The following STAM2 variants were observed in gnomAD, a reference collection of about 807,000 sequenced individuals.
STAM2 encodes the protein signal transducing adapter molecule 2.
A neutral mutation model predicts 65.6 loss-of-function variants in STAM2; 51 were observed. That is an observed-to-expected ratio of 0.78 (90% CI 0.62 to 0.98). STAM2 has a LOEUF of 0.98. STAM2 is among the 50% of genes least tolerant of loss of function. The pLI is 0.00. For missense variants in STAM2, 584 were observed against 617.8 expected, an observed-to-expected ratio of 0.95 and a Z score of 0.58; for synonymous variants, 198 against 208.4, an observed-to-expected ratio of 0.95 and a Z score of 0.43.
At chr2:152,167,921 A>AAAAAT (rs970998673) in intron 1 of STAM2, among the ~76,000 whole-genome samples, 32 of 152,122 alleles carry the variant, frequency 2.1e-4, no homozygotes, top group African/African-American at 7.5e-4. Flanking sequence ...AAAAAGAAGA[A>AAAAAT]AAAATAAAAT....
At chr2:152,164,436 G>A (rs182544622) in intron 1 of STAM2, among the ~76,000 whole-genome samples, 1 of 151,050 alleles carries the variant, frequency 6.6e-6, no homozygotes, top group Admixed American at 6.6e-5. Context: ...TCTGCCTCCC[G>A]AGTTCAAACG....
In STAM2 at chr2:152,120,650, G is replaced by A; in HGVS notation, c.1502C>T (p.Ala501Val). The change falls in exon 14 of 14, where the codon GCA becomes GTA. Residue 501 changes from alanine (A) to valine (V), a missense_variant. By Grantham distance (64) the Ala-to-Val change is moderately conservative. Coordinates refer to ENST00000263904, the MANE Select transcript of STAM2 (RefSeq NM_005843.6). ...QNTTSNLPQL[A>V]GFPVTVPAHP... is the part of the protein sequence containing the mutation. The stretch of plus-strand genomic sequence containing the variant: ...AGCTGGAACTGTCACCGGAAAGCCT[G>A]CCAGTTGAGGCAAATTGGAAGTAGT... 1 of 1,614,130 alleles carries A rather than the reference G, an allele frequency of 6.2e-7. No homozygotes were observed. Among genetic ancestry groups the A allele is most frequent in the Non-Finnish European group, 8.5e-7 (1 of 1,180,034 alleles).
chr2:152,118,569 A>G lies in STAM2; in HGVS notation c.*2005T>C, dbSNP rs1286566514. 3 of 151,594 alleles carry G rather than the reference A, an allele frequency of 2.0e-5. No homozygotes were observed. Among genetic ancestry groups the G allele is most frequent in the African/African-American group, 7.3e-5 (3 of 41,368 alleles). The allele number at this position is 151,594 out of a possible 1,614,324, so 9.4% of individuals were successfully genotyped here. ...CAAAGACATGCTGAATTAAACTTTT[A>G]TAATTGAGATCACAATTATACATGA... On this transcript the variant is annotated 3_prime_UTR_variant, in exon 14 of 14. Coordinates refer to ENST00000263904, the MANE Select transcript of STAM2 (RefSeq NM_005843.6).
At chr2:152,122,076 A>ATATGTG (rs1161311169) in intron 13 of STAM2, among the ~76,000 whole-genome samples, 5 of 103,706 alleles carry the variant, frequency 4.8e-5, no homozygotes, top group African/African-American at 1.3e-4. Flanking sequence ...ATATATATAT[A>ATATGTG]TGTGTGTGTG....
chr2:152,126,268 A>C lies in STAM2; in HGVS notation c.1137T>G (p.Pro379=). 1 of 1,611,280 alleles carries C rather than the reference A, an allele frequency of 6.2e-7. No homozygotes were observed. Among genetic ancestry groups the C allele is most frequent in the Non-Finnish European group, 8.5e-7 (1 of 1,178,660 alleles). ...ATGATGCAGGTGGGTAATGTGCTGGAGGGTGGAGCTTTGAATAGACTGAGT... is the reference window on the plus strand; with the variant it reads ...ATGATGCAGGTGGGTAATGTGCTGGCGGGTGGAGCTTTGAATAGACTGAGT... ...PVYSVYSKLH[P]PAHYPPASSG... is the part of the protein sequence containing the mutation. The change falls in exon 12 of 14, where the codon CCT becomes CCG. Residue 379 remains proline, a synonymous_variant. Coordinates refer to ENST00000263904, the MANE Select transcript of STAM2 (RefSeq NM_005843.6).
chr2:152,159,326 G>A (rs1327538971), intron 1 of STAM2, among the ~76,000 whole-genome samples: 1 of 149,872 alleles, frequency 6.7e-6, no homozygotes, highest in Non-Finnish European at 1.5e-5. Flanking sequence ...AACAAAAAAA[G>A]AAAAGAAAAA....
chr2:152,128,302 G>T (rs1411206221), intron 11 of STAM2, among the ~76,000 whole-genome samples: 1 of 152,008 alleles, frequency 6.6e-6, no homozygotes, highest in African/African-American at 2.4e-5. Context: ...AGCTACACGG[G>T]AGGCTGAGGC....
chr2:152,124,754 T>C (rs1191470018), intron 12 of STAM2: 1 of 152,216 alleles, frequency 6.6e-6, no homozygotes, highest in Non-Finnish European at 1.5e-5. Flanking sequence ...TAAGCTATAT[T>C]AAGTACAATC....
chr2:152,119,192 C>A lies in STAM2; in HGVS notation c.*1382G>T, dbSNP rs1579306422. 2 of 152,080 alleles carry A rather than the reference C, an allele frequency of 1.3e-5. No individual in the cohort carries two copies. Among genetic ancestry groups the A allele is most frequent in the Non-Finnish European group, 2.9e-5 (2 of 67,992 alleles). The allele number at this position is 152,080 out of a possible 1,614,324, so 9.4% of individuals were successfully genotyped here. A position where few individuals can be genotyped will look rare whatever the true frequency, so the allele number is the denominator to read the frequency against. ...CCATACATGTATGTATTTGCAATTT[C>A]TATTTTCCAATATGTAAAAAGTTGG... On this transcript the variant is annotated 3_prime_UTR_variant, in exon 14 of 14. Coordinates refer to ENST00000263904, the MANE Select transcript of STAM2 (RefSeq NM_005843.6).
chr2:152,127,785 C>A (rs1688987432), intron 11 of STAM2, among the ~76,000 whole-genome samples: 1 of 152,204 alleles, frequency 6.6e-6, no homozygotes, highest in African/African-American at 2.4e-5. Flanking sequence ...AGCTTCAGAG[C>A]AAACTCTTTC....
chr2:152,140,075 G>A (rs948535505), intron 7 of STAM2, among the ~76,000 whole-genome samples: 1 of 152,144 alleles, frequency 6.6e-6, no homozygotes, highest in Non-Finnish European at 1.5e-5. Flanking sequence ...ACTGAGAAAT[G>A]ACTCTATTTA....
Position 152,143,933 on chromosome 2 carries a change from T to C in STAM2, c.598A>G (p.Asn200Asp). Reference protein sequence around the residue: ...SLYPSSEIQLNNKVARKVRAL... With the variant: ...SLYPSSEIQLDNKVARKVRAL... Reference sequence around the variant, plus strand: ...CTCACTTTCCGTGCAACCTTATTATTTAACTGAATTTCTGAAGATGGATAT... The same window carrying C: ...CTCACTTTCCGTGCAACCTTATTATCTAACTGAATTTCTGAAGATGGATAT... The change falls in exon 7 of 14, where the codon AAT (asparagine) becomes GAT (aspartate). Residue 200 changes from asparagine (N) to aspartate (D), a missense_variant. Transcript: ENST00000263904. 2 of 1,613,858 alleles carry C rather than the reference T, an allele frequency of 1.2e-6. No individual in the cohort carries two copies. Among genetic ancestry groups the C allele is most frequent in the Non-Finnish European group, 1.7e-6 (2 of 1,179,878 alleles).
intron 11 of STAM2, among the ~76,000 whole-genome samples, chr2:152,130,192 G>GTT (rs1266709083): frequency 6.6e-6 from 1 of 152,150 alleles, no homozygotes; most frequent in Admixed American, 6.5e-5. Context: ...GCAGAACCAA[G>GTT]TTAAAAGCTC....
At chr2:152,146,026 T>C (rs1329528325) in intron 5 of STAM2, among the ~76,000 whole-genome samples, 3 of 152,110 alleles carry the variant, frequency 2.0e-5, no homozygotes, top group Admixed American at 6.6e-5. Context: ...TCCCAGCACT[T>C]TGAGAGGTCG....
In STAM2 at chr2:152,135,654, T is replaced by C. The variant is rs771567153; in HGVS notation, c.705-51A>G. ...ATTTGTTCCCCACATTTTAATACAATAAGCAAAGATGAATTAAAAATTAAA... is the reference window on the plus strand; with the variant it reads ...ATTTGTTCCCCACATTTTAATACAACAAGCAAAGATGAATTAAAAATTAAA... On this transcript the variant is annotated intron_variant, in intron 7 of 13. Coordinates refer to ENST00000263904, the MANE Select transcript of STAM2 (RefSeq NM_005843.6). 30 of 1,189,908 alleles carry C rather than the reference T, an allele frequency of 2.5e-5. 1 individual carries two copies. In the South Asian group the frequency reaches 3.9e-4, roughly 15 times the overall value. 73.7% of individuals were successfully genotyped at this position (1,189,908 alleles called of 1,614,324 possible).
chr2:152,167,837 G>A (rs557053487), intron 1 of STAM2, among the ~76,000 whole-genome samples: 61 of 152,244 alleles, frequency 4.0e-4, no homozygotes, highest in African/African-American at 1.3e-3. Flanking sequence ...TTGAACCCAG[G>A]AGACAGAGGC....
intron 1 of STAM2, among the ~76,000 whole-genome samples, chr2:152,157,814 C>T (rs1383162493): frequency 6.6e-6 from 1 of 152,120 alleles, no homozygotes. Flanking sequence ...CCAAAATAGG[C>T]CTCCCTCACA....
In STAM2 at chr2:152,120,473, TTTGAG is replaced by T; in HGVS notation, c.*96_*100del. 1.0e-6 allele frequency: 1 copy of T among 970,104 alleles called. No homozygotes were observed. The highest frequency in any genetic ancestry group is 1.6e-6 in the Non-Finnish European group (1 of 638,338). 60.1% of individuals were successfully genotyped at this position (970,104 alleles called of 1,614,324 possible). ...TTGTGCTTTATTTATTCATGGTCCT[TTTGAG>T]TTGAGAGGGAAAAAAGTTTTAATAT... is the stretch of plus-strand genomic sequence containing the variant. On this transcript the variant is annotated 3_prime_UTR_variant, in exon 14 of 14. Transcript: ENST00000263904.
intron 1 of STAM2, among the ~76,000 whole-genome samples, chr2:152,151,875 C>T (rs1222133093): frequency 1.3e-5 from 2 of 152,176 alleles, no homozygotes; most frequent in Non-Finnish European, 2.9e-5. Flanking sequence ...AAATAATATT[C>T]CATTGTATAG....
Sources: allele counts gnomAD v4.1 joint callset (sites outside exome capture counted in the v4.1 genomes callset), GRCh38; gene constraint gnomAD v4.1.1; transcripts MANE v1.5; gene names NCBI Gene and HGNC (gene_info 2026-07-23, HGNC 2026-07-21).